Variants in NICN1 observed in about 807,000 individuals in gnomAD.
NICN1 encodes nicolin-1.
NICN1 carries 18 observed loss-of-function variants against 26.3 expected under a neutral mutation model. The ratio of observed to expected loss-of-function variants is 0.68; its 90% confidence interval spans 0.47 to 1.01. NICN1 has a LOEUF of 1.01. Among genes scored for constraint, NICN1 ranks in the 50% least tolerant of loss-of-function variants. NICN1 has a pLI of 0.00. For missense variants in NICN1, 239 were observed against 278.3 expected, an observed-to-expected ratio of 0.86 and a Z score of 1.00; for synonymous variants, 109 against 111.0, an observed-to-expected ratio of 0.98 and a Z score of 0.11.
chr3:49,422,480 C>G lies in NICN1; in HGVS notation c.*2353G>C. On this transcript the variant is annotated 3_prime_UTR_variant, in exon 6 of 6. Transcript: ENST00000273598. ...GCCTGCAACGAGTGCAGACGGCGCA[C>G]AGAGGCCACCACACTGCCAGGCACG... 1 of 1,604,980 alleles carries G rather than the reference C, an allele frequency of 6.2e-7. No homozygotes were observed. Among genetic ancestry groups the G allele is most frequent in the Non-Finnish European group, 8.5e-7 (1 of 1,174,516 alleles).
In NICN1 at chr3:49,425,881, A is replaced by C. The variant is rs1575312160; in HGVS notation, c.423+2T>G. 1 of 1,538,922 alleles carries C rather than the reference A, an allele frequency of 6.5e-7. No individual in the cohort carries two copies. Among genetic ancestry groups the C allele is most frequent in the South Asian group, 1.1e-5 (1 of 88,606 alleles). Reference sequence around the variant, plus strand: ...CAGCCAGCAGCTGAGCTAGTCACTTACCTTTGGTCCCTGCTGATAGATCTG... The same window carrying C: ...CAGCCAGCAGCTGAGCTAGTCACTTCCCTTTGGTCCCTGCTGATAGATCTG... On this transcript the variant is annotated splice_donor_variant, in intron 3 of 5. Coordinates refer to ENST00000273598, the MANE Select transcript of NICN1 (RefSeq NM_032316.3). LOFTEE classifies it high-confidence loss of function.
At position 49,423,433 on chromosome 3, in the gene NICN1, T is replaced by A. The variant is rs1043819834; in HGVS notation, c.*1400A>T. ...TACTTGGACCCACTCCCCACCACGGTTGATCTCTCATTATGCTGAGCATAT... is the reference window on the plus strand; with the variant it reads ...TACTTGGACCCACTCCCCACCACGGATGATCTCTCATTATGCTGAGCATAT... On this transcript the variant is annotated 3_prime_UTR_variant, in exon 6 of 6. Coordinates refer to ENST00000273598, the MANE Select transcript of NICN1 (RefSeq NM_032316.3). 6.6e-6 allele frequency: 1 copy of A among 152,326 alleles called. No individual in the cohort carries two copies. The highest frequency in any genetic ancestry group is 2.4e-5 in the African/African-American group (1 of 41,450). 9.4% of individuals were successfully genotyped at this position (152,326 alleles called of 1,614,324 possible). A position where few individuals can be genotyped will look rare whatever the true frequency, so the allele number is the denominator to read the frequency against.
chr3:49,424,799 C>T lies in NICN1; in HGVS notation c.*34G>A, dbSNP rs752261821. 1 of 1,606,388 alleles carries T rather than the reference C, an allele frequency of 6.2e-7. No individual in the cohort carries two copies. Among genetic ancestry groups the T allele is most frequent in the Admixed American group, 1.7e-5 (1 of 59,984 alleles). ...GGCCCAAACCAAGTCTGGGTGGGCA[C>T]AGAAAGGCCAACATCTTGGCTAGGA... is the stretch of plus-strand genomic sequence containing the variant. On this transcript the variant is annotated 3_prime_UTR_variant, in exon 6 of 6. Transcript: ENST00000273598.
In NICN1 at chr3:49,429,220, G is replaced by A; in HGVS notation, c.20C>T (p.Pro7Leu). ...GGCTACGGAGCCTTTCACATGGCAA[G>A]GCACCAAAACGCGGGACATGGTGAC... The part of the protein sequence containing the change: MSRVLV[P>L]CHVKGSVALQ... Residue 7 changes from proline to leucine, a missense_variant, in exon 1 of 6, where the codon CCT (proline) becomes CTT (leucine). By Grantham distance (98) the Pro-to-Leu change is moderately conservative. Transcript: ENST00000273598. 1 of 1,607,516 alleles carries A rather than the reference G, an allele frequency of 6.2e-7. No individual in the cohort carries two copies. Among genetic ancestry groups the A allele is most frequent in the South Asian group, 1.1e-5 (1 of 90,570 alleles).
rs1201038323 is a variant in NICN1 at position 49,426,249 on chromosome 3, G to A, written c.309+3C>T. 1 of 1,613,844 alleles carries A rather than the reference G, an allele frequency of 6.2e-7. No individual in the cohort carries two copies. The highest frequency in any genetic ancestry group is 1.1e-5 in the South Asian group (1 of 91,014). Reference sequence around the variant, plus strand: ...GCCCTGGCCATCCTGAGGCCCAGCTGACCTGATGCTTGAACAGCGATACAT... The same window carrying A: ...GCCCTGGCCATCCTGAGGCCCAGCTAACCTGATGCTTGAACAGCGATACAT... On this transcript the variant is annotated splice_donor_region_variant and intron_variant, in intron 2 of 5. Coordinates refer to ENST00000273598, the MANE Select transcript of NICN1 (RefSeq NM_032316.3).
rs1418079778 is a variant in NICN1 at position 49,424,618 on chromosome 3, T to G, written c.*215A>C. The G allele has an allele frequency of 1.6e-6, 1 of 607,832 alleles. No homozygotes were observed. Among genetic ancestry groups the G allele is most frequent in the Non-Finnish European group, 2.9e-6 (1 of 341,618 alleles). 37.7% of individuals were successfully genotyped at this position (607,832 alleles called of 1,614,324 possible). On this transcript the variant is annotated 3_prime_UTR_variant, in exon 6 of 6. Coordinates refer to ENST00000273598, the MANE Select transcript of NICN1 (RefSeq NM_032316.3). ...TTTTGGGTAGAAGGAAGAATTGAGT[T>G]GCAGCCAGGCGAAGACAGAGCACCC...
At chr3:49,427,648 A>G (rs1405870101) in intron 1 of NICN1, among the ~76,000 whole-genome samples, 2 of 151,092 alleles carry the variant, frequency 1.3e-5, no homozygotes, top group African/African-American at 2.4e-5. Context: ...CTCTCAGAAA[A>G]AAAAAAAAAA....
chr3:49,422,405 G>A lies in NICN1; in HGVS notation c.*2428C>T, dbSNP rs2049124862. On this transcript the variant is annotated 3_prime_UTR_variant, in exon 6 of 6. Coordinates refer to ENST00000273598, the MANE Select transcript of NICN1 (RefSeq NM_032316.3). ...CGACACAAGGCCGGGGGGAATGCCT[G>A]CAGGCGAAAGCCCAGACGGGCCACC... 3.7e-6 allele frequency: 6 copies of A among 1,613,504 alleles called. No individual in the cohort carries two copies. The Admixed American group carries it at 6.7e-5, about 18-fold the overall frequency.
rs1559530779 is a variant in NICN1, at chr3:49,422,375, G to C, written c.*2458C>G. 3 of 1,608,884 alleles carry C rather than the reference G, an allele frequency of 1.9e-6. No individual in the cohort carries two copies. Among genetic ancestry groups the C allele is most frequent in the Non-Finnish European group, 2.5e-6 (3 of 1,177,832 alleles). On this transcript the variant is annotated 3_prime_UTR_variant, in exon 6 of 6. Coordinates refer to ENST00000273598, the MANE Select transcript of NICN1 (RefSeq NM_032316.3). ...CTCTATCCCACCTGTGCGCAACTAA[G>C]TGGACGACACAAGGCCGGGGGGAAT...
intron 2 of NICN1, 93 bp downstream of exon 2, chr3:49,426,159 G>A: frequency 7.4e-7 from 1 of 1,346,636 alleles, no homozygotes; most frequent in Non-Finnish European, 1.0e-6. Flanking sequence ...GGCCAGACTG[G>A]CCCCCTCTTC....
In NICN1 at chr3:49,422,435, T is replaced by C. The variant is rs1332097253; in HGVS notation, c.*2398A>G. 1 of 1,611,708 alleles carries C rather than the reference T, an allele frequency of 6.2e-7. No individual in the cohort carries two copies. The highest frequency in any genetic ancestry group is 1.1e-5 in the South Asian group (1 of 91,038). On this transcript the variant is annotated 3_prime_UTR_variant, in exon 6 of 6. Coordinates refer to ENST00000273598, the MANE Select transcript of NICN1 (RefSeq NM_032316.3). ...CGAAAGCCCAGACGGGCCACCACAC[T>C]TACAGCCCTCTGCATCGTCGCCTGC...
At chr3:49,426,818 T>C (rs1255250284) in intron 1 of NICN1, among the ~76,000 whole-genome samples, 1 of 152,130 alleles carries the variant, frequency 6.6e-6, no homozygotes, top group Admixed American at 6.6e-5. Flanking sequence ...AAACTAACAA[T>C]TTCAACAAGT....
intron 4 of NICN1, 52 bp downstream of exon 4, chr3:49,425,315 G>A (rs2049161713): frequency 6.7e-7 from 1 of 1,482,614 alleles, no homozygotes; most frequent in Non-Finnish European, 9.3e-7. Flanking sequence ...CCTGGCCTGT[G>A]TTGGACACTA....
Position 49,424,512 on chromosome 3 carries a change from G to A in NICN1, c.*321C>T, listed in dbSNP as rs2107940796. 1 of 513,572 alleles carries A rather than the reference G, an allele frequency of 1.9e-6. No individual in the cohort carries two copies. The highest frequency in any genetic ancestry group is 3.5e-6 in the Non-Finnish European group (1 of 283,680). 31.8% of individuals were successfully genotyped at this position (513,572 alleles called of 1,614,324 possible). The stretch of plus-strand genomic sequence containing the variant: ...CAACTGCACTGACATGAGGGAGCAG[G>A]CAGAAGACAGGAATGTGCATGTTGC... On this transcript the variant is annotated 3_prime_UTR_variant, in exon 6 of 6. Coordinates refer to ENST00000273598, the MANE Select transcript of NICN1 (RefSeq NM_032316.3).
chr3:49,429,205 C>G lies in NICN1; in HGVS notation c.35G>C (p.Gly12Ala), dbSNP rs748076037. 1.9e-6 allele frequency: 3 copies of G among 1,609,916 alleles called. No individual in the cohort carries two copies. Among genetic ancestry groups the G allele is most frequent in the African/African-American group, 1.3e-5 (1 of 74,640 alleles). Reference protein sequence around the residue: ...SRVLVPCHVKGSVALQVGDVR... With the variant: ...SRVLVPCHVKASVALQVGDVR... ...GTCGCCCACCTGGAGGGCTACGGAG[C>G]CTTTCACATGGCAAGGCACCAAAAC... The change falls in exon 1 of 6, where the codon GGC becomes GCC. Residue 12 changes from glycine to alanine, a missense_variant. Transcript: ENST00000273598.
chr3:49,426,197 C>G (rs547889940), intron 2 of NICN1, 55 bp downstream of exon 2: 11 of 1,560,262 alleles, frequency 7.1e-6, no homozygotes, highest in Admixed American at 5.3e-5. Flanking sequence ...CCAATCCCCC[C>G]ACCTCTGGTA....
At chr3:49,425,301 T>C (rs2049161598) in intron 4 of NICN1, 66 bp downstream of exon 4, 1 of 1,345,782 alleles carries the variant, frequency 7.4e-7, no homozygotes, top group African/African-American at 1.4e-5. Context: ...CAGGAAGGGG[T>C]CTACCTGGCC....
At position 49,424,819 on chromosome 3, in the gene NICN1, C is replaced by T; in HGVS notation, c.*14G>A. On this transcript the variant is annotated 3_prime_UTR_variant, in exon 6 of 6. Transcript: ENST00000273598. ...GGGCACAGAAAGGCCAACATCTTGG[C>T]TAGGAGCAACCATTCAAGTGTAGGA... The T allele has an allele frequency of 6.2e-7, 1 of 1,613,108 alleles. No individual in the cohort carries two copies. Among genetic ancestry groups the T allele is most frequent in the Non-Finnish European group, 8.5e-7 (1 of 1,179,182 alleles).
Position 49,429,282 on chromosome 3 carries a change from C to G in NICN1, c.-43G>C. ...CTAAGTGCAACCGCCGCTCTAGGCCCCCGACCACCAGCCCTTCCCGGCATC... is the reference window on the plus strand; with the variant it reads ...CTAAGTGCAACCGCCGCTCTAGGCCGCCGACCACCAGCCCTTCCCGGCATC... On this transcript the variant is annotated 5_prime_UTR_variant, in exon 1 of 6. Coordinates refer to ENST00000273598, the MANE Select transcript of NICN1 (RefSeq NM_032316.3). The G allele has an allele frequency of 6.5e-7, 1 of 1,549,470 alleles. No homozygotes were observed. The highest frequency in any genetic ancestry group is 2.5e-5 in the East Asian group (1 of 39,918).
Sources: gnomAD v4.1 joint callset for allele counts (sites outside exome capture counted in the v4.1 genomes callset) on GRCh38, gnomAD v4.1.1 for gene constraint, MANE v1.5 for transcripts, NCBI Gene and HGNC (gene_info 2026-07-23, HGNC 2026-07-21) for gene names.